The following CDK8 variants were observed in gnomAD, a reference collection of about 807,000 sequenced individuals.
CDK8 encodes cyclin dependent kinase 8.
Under a neutral mutation model 71.5 loss-of-function variants are expected in CDK8, and 29 were observed. That is an observed-to-expected ratio of 0.41 (90% CI 0.30 to 0.55). The LOEUF (loss-of-function observed/expected upper bound fraction) is 0.55. CDK8 is among the 20% of genes least tolerant of loss of function. CDK8 has a pLI of 0.37. For missense variants in CDK8, 288 were observed against 572.6 expected (o/e 0.50, Z 5.07); for synonymous variants, 161 against 192.1 (o/e 0.84, Z 1.34).
chr13:26,294,223 C>A (rs932234070), intron 1 of CDK8, among the ~76,000 whole-genome samples: 1 of 151,890 alleles, frequency 6.6e-6, no homozygotes, highest in African/African-American at 2.4e-5. Flanking sequence ...CCTCAGACTC[C>A]TGCGCTCAAG....
intron 4 of CDK8, among the ~76,000 whole-genome samples, chr13:26,371,981 TAG>T: frequency 6.6e-6 from 1 of 152,288 alleles, no homozygotes; most frequent in Admixed American, 6.5e-5. Flanking sequence ...GCAAAAATTA[TAG>T]ATTACAGCCA....
intron 1 of CDK8, among the ~76,000 whole-genome samples, chr13:26,291,639 TTCTC>T (rs1432053691): frequency 2.6e-5 from 4 of 152,240 alleles, no homozygotes; most frequent in East Asian, 1.9e-4. Context: ...TGGATATTTT[TTCTC>T]TCTAATTTCA....
At position 26,382,838 on chromosome 13, in the gene CDK8, G is replaced by A; in HGVS notation, c.481G>A (p.Gly161Ser). ...GAAACCTGCTAATATTTTAGTTATG[G>A]GTGAAGGTCCTGAGCGAGGAAGAGT... ...DLKPANILVM[G>S]EGPERGRVKI... Residue 161 changes from glycine (G) to serine (S), a missense_variant, in exon 5 of 13, where the codon GGT (glycine) becomes AGT (serine). By Grantham distance (56) the Gly-to-Ser change is moderately conservative. This residue lies in a region of CDK8 where 95 missense variants were observed against 177.3 expected (regional missense o/e 0.54). Transcript: ENST00000381527. 1 of 1,602,996 alleles carries A rather than the reference G, an allele frequency of 6.2e-7. No individual in the cohort carries two copies. The highest frequency in any genetic ancestry group is 8.5e-7 in the Non-Finnish European group (1 of 1,175,756).
At chr13:26,314,348 C>T (rs1364789281) in intron 1 of CDK8, among the ~76,000 whole-genome samples, 1 of 152,134 alleles carries the variant, frequency 6.6e-6, no homozygotes, top group Non-Finnish European at 1.5e-5. Flanking sequence ...TTAACATCAT[C>T]AATCTAAATT....
chr13:26,362,043 T>C (rs1483887759), intron 4 of CDK8, among the ~76,000 whole-genome samples: 1 of 152,170 alleles, frequency 6.6e-6, no homozygotes, highest in Non-Finnish European at 1.5e-5. Context: ...TAAATCAACA[T>C]CTAAGTATTA....
chr13:26,293,316 A>G (rs1212146180), intron 1 of CDK8, among the ~76,000 whole-genome samples: 1 of 152,144 alleles, frequency 6.6e-6, no homozygotes, highest in Non-Finnish European at 1.5e-5. Context: ...AAAATTGTGT[A>G]TATTGGCTGG....
At chr13:26,285,567 CCT>C (rs1872970217) in intron 1 of CDK8, among the ~76,000 whole-genome samples, 1 of 152,118 alleles carries the variant, frequency 6.6e-6, no homozygotes, top group Admixed American at 6.5e-5. Flanking sequence ...AAACATTTCC[CCT>C]GAGAACTGGA....
At chr13:26,278,317 A>G (rs1036477405) in intron 1 of CDK8, among the ~76,000 whole-genome samples, 5 of 152,246 alleles carry the variant, frequency 3.3e-5, no homozygotes, top group Admixed American at 2.0e-4. Flanking sequence ...GATGAACCAT[A>G]GCCTCATTTT....
intron 1 of CDK8, among the ~76,000 whole-genome samples, chr13:26,260,562 G>T (rs1871728315): frequency 6.6e-6 from 1 of 152,106 alleles, no homozygotes; most frequent in Non-Finnish European, 1.5e-5. Context: ...AATTGGAAGG[G>T]GAAAGAAGTT....
At chr13:26,391,734 CTT>C (rs1192461837) in intron 6 of CDK8, among the ~76,000 whole-genome samples, 3 of 152,224 alleles carry the variant, frequency 2.0e-5, no homozygotes, top group Non-Finnish European at 4.4e-5. Flanking sequence ...CTTGATGAGA[CTT>C]TTCCATATGA....
At chr13:26,263,746 TC>T (rs1281306390) in intron 1 of CDK8, among the ~76,000 whole-genome samples, 8 of 121,182 alleles carry the variant, frequency 6.6e-5, no homozygotes, top group African/African-American at 2.1e-4. Flanking sequence ...GCTAAAAGAC[TC>T]CCTTTTTTTT....
chr13:26,399,701 A>G (rs1259531861), intron 9 of CDK8, among the ~76,000 whole-genome samples: 1 of 152,268 alleles, frequency 6.6e-6, no homozygotes, highest in Non-Finnish European at 1.5e-5. Context: ...ATTGCTCTCC[A>G]TATATTAACT....
At chr13:26,279,146 T>A (rs1872653924) in intron 1 of CDK8, among the ~76,000 whole-genome samples, 1 of 151,320 alleles carries the variant, frequency 6.6e-6, no homozygotes, top group Non-Finnish European at 1.5e-5. Context: ...GTAAAAAAGG[T>A]AGGGTGGGGG....
intron 1 of CDK8, among the ~76,000 whole-genome samples, chr13:26,323,796 C>G (rs904633759): frequency 6.6e-6 from 1 of 152,134 alleles, no homozygotes; most frequent in Admixed American, 6.6e-5. Flanking sequence ...CATGTATTCT[C>G]TTTAAATGTG....
chr13:26,386,884 A>G (rs1389038132), intron 6 of CDK8, among the ~76,000 whole-genome samples: 1 of 152,084 alleles, frequency 6.6e-6, no homozygotes, highest in Non-Finnish European at 1.5e-5. Flanking sequence ...AGGATTTCTC[A>G]TCCTTGTATT....
chr13:26,401,746 A>G lies in CDK8; in HGVS notation c.1269+122A>G. The G allele has an allele frequency of 9.8e-7, 1 of 1,017,680 alleles. No homozygotes were observed. The highest frequency in any genetic ancestry group is 1.5e-6 in the Non-Finnish European group (1 of 680,940). 63.0% of individuals were successfully genotyped at this position (1,017,680 alleles called of 1,614,324 possible). Reference sequence around the variant, plus strand: ...TGTATACCCAGGGAAATACATTAACATGAAATGTTACTGGCATGGAAAAGT... The same window carrying G: ...TGTATACCCAGGGAAATACATTAACGTGAAATGTTACTGGCATGGAAAAGT... On this transcript the variant is annotated intron_variant, in intron 12 of 12. Coordinates refer to ENST00000381527, the MANE Select transcript of CDK8 (RefSeq NM_001260.3). The surrounding 1 kb of genome is among the most constrained non-coding windows in gnomAD (Gnocchi z 4.5).
chr13:26,273,520 A>T (rs1442368101), intron 1 of CDK8, among the ~76,000 whole-genome samples: 1 of 152,078 alleles, frequency 6.6e-6, no homozygotes, highest in African/African-American at 2.4e-5. Flanking sequence ...CTGTGGATGA[A>T]AGTCATTTAT....
chr13:26,289,745 T>G, intron 1 of CDK8, among the ~76,000 whole-genome samples: 1 of 151,962 alleles, frequency 6.6e-6, no homozygotes, highest in Non-Finnish European at 1.5e-5. Flanking sequence ...AGAGATGGGG[T>G]TTCACTGTGT....
chr13:26,296,445 G>A (rs559684237), intron 1 of CDK8, among the ~76,000 whole-genome samples: 1 of 152,298 alleles, frequency 6.6e-6, no homozygotes, highest in East Asian at 1.9e-4. Flanking sequence ...AAAGAAGGTT[G>A]ATGTGAAAAG....
Sources: gnomAD v4.1 joint callset for allele counts (sites outside exome capture counted in the v4.1 genomes callset) on GRCh38, gnomAD v4.1.1 for gene constraint, gnomAD v4.1.1 regional missense constraint, Gnocchi (gnomAD v3.1) non-coding constraint, MANE v1.5 for transcripts, NCBI Gene and HGNC (gene_info 2026-07-23, HGNC 2026-07-21) for gene names.